The following ACAA2 variants were observed in gnomAD, a reference collection of about 807,000 sequenced individuals.
ACAA2 encodes the protein 3-ketoacyl-CoA thiolase, mitochondrial.
In ACAA2, 35 loss-of-function variants were observed where a neutral mutation model predicts 44.8. The ratio of observed to expected loss-of-function variants is 0.78; its 90% CI spans 0.60 to 1.04. The LOEUF (loss-of-function observed/expected upper bound fraction) is 1.04, where lower values mean the gene tolerates loss of function less well. Ranked by LOEUF, ACAA2 falls within the 50% of genes least tolerant of loss-of-function variation. The probability of loss-of-function intolerance (pLI) is 0.00; values close to 1 mark genes in which losing one functional copy is unlikely to be tolerated. For synonymous variants in ACAA2, 142 were observed against 166.5 expected, an observed-to-expected ratio of 0.85 and a Z score of 1.13; for missense variants, 468 against 482.6, an observed-to-expected ratio of 0.97 and a Z score of 0.28.
chr18:49,809,724 G>A (rs962329220), intron 1 of ACAA2, among the ~76,000 whole-genome samples: 4 of 152,200 alleles, frequency 2.6e-5, no homozygotes, highest in African/African-American at 9.6e-5. Context: ...TTCAGAGACA[G>A]GGATAAATAA....
At chr18:49,788,504 TGGCTACTGATTTACTAC>T (rs1275921261) in intron 7 of ACAA2, among the ~76,000 whole-genome samples, 1 of 152,074 alleles carries the variant, frequency 6.6e-6, no homozygotes, top group Non-Finnish European at 1.5e-5. Context: ...CAGTTTCATG[TGGCTACTGATTTACTAC>T]AGCTACTGAT....
intron 5 of ACAA2, among the ~76,000 whole-genome samples, chr18:49,793,558 T>G (rs1282554320): frequency 6.6e-6 from 1 of 152,236 alleles, no homozygotes; most frequent in African/African-American, 2.4e-5. Flanking sequence ...TGGCATCAGC[T>G]CTATTCCACT....
At chr18:49,806,579 C>T (rs1273294189) in intron 1 of ACAA2, among the ~76,000 whole-genome samples, 1 of 152,302 alleles carries the variant, frequency 6.6e-6, no homozygotes. Context: ...CCACAATGTT[C>T]CATCTGCAAT....
intron 7 of ACAA2, among the ~76,000 whole-genome samples, chr18:49,788,682 C>T (rs1292014003): frequency 6.6e-6 from 1 of 152,168 alleles, no homozygotes; most frequent in African/African-American, 2.4e-5. Context: ...AAAAGGTGGA[C>T]AATGTTCAGA....
intron 9 of ACAA2, 72 bp from the exon 10 acceptor site, chr18:49,784,003 C>T: frequency 8.2e-7 from 1 of 1,215,176 alleles, no homozygotes; most frequent in South Asian, 1.3e-5. Context: ...CTAATAACAT[C>T]ACATCTGCAT....
chr18:49,788,015 G>C (rs1038836096), intron 7 of ACAA2, among the ~76,000 whole-genome samples: 2 of 152,156 alleles, frequency 1.3e-5, no homozygotes, highest in Non-Finnish European at 2.9e-5. Context: ...TATGAAGTAA[G>C]GTGATGTTTA....
intron 7 of ACAA2, among the ~76,000 whole-genome samples, chr18:49,791,125 C>T (rs976393376): frequency 4.6e-5 from 7 of 152,222 alleles, no homozygotes; most frequent in African/African-American, 1.7e-4. Flanking sequence ...TTTCTCCCAT[C>T]TCATAATTTC....
chr18:49,799,215 C>T (rs1260610111), intron 2 of ACAA2, among the ~76,000 whole-genome samples: 1 of 152,042 alleles, frequency 6.6e-6, no homozygotes, highest in African/African-American at 2.4e-5. Context: ...CACAGCTCTC[C>T]CTCTCCCCCT....
At chr18:49,800,849 G>GCCT (rs5824804) in intron 2 of ACAA2, among the ~76,000 whole-genome samples, 1 of 148,160 alleles carries the variant, frequency 6.7e-6, no homozygotes, top group African/African-American at 2.5e-5. Flanking sequence ...TTGTCCTGTG[G>GCCT]GCCAAATCCC....
intron 1 of ACAA2, among the ~76,000 whole-genome samples, chr18:49,812,167 G>GA (rs2023677814): frequency 6.6e-6 from 1 of 152,200 alleles, no homozygotes; most frequent in African/African-American, 2.4e-5. Flanking sequence ...CACGTTGCAG[G>GA]AAACTGTAAA....
chr18:49,790,457 T>C (rs1371540293), intron 7 of ACAA2, among the ~76,000 whole-genome samples: 1 of 152,114 alleles, frequency 6.6e-6, no homozygotes, highest in Non-Finnish European at 1.5e-5. Context: ...CAGGTTATCC[T>C]CCTCCTCCTC....
intron 1 of ACAA2, among the ~76,000 whole-genome samples, chr18:49,808,853 C>T (rs758420488): frequency 2.6e-5 from 4 of 152,144 alleles, no homozygotes; most frequent in Non-Finnish European, 5.9e-5. Flanking sequence ...ACATCTTAAA[C>T]AACAGAAAAC....
chr18:49,809,617 C>T (rs989979146), intron 1 of ACAA2, among the ~76,000 whole-genome samples: 1 of 152,166 alleles, frequency 6.6e-6, no homozygotes, highest in Non-Finnish European at 1.5e-5. Context: ...TGAAAGAAGC[C>T]AGTCTGGAAA....
chr18:49,783,560 G>T lies in ACAA2; in HGVS notation c.*287C>A. 3.5e-6 allele frequency: 1 copy of T among 282,292 alleles called. No individual in the cohort carries two copies. Among genetic ancestry groups the T allele is most frequent in the Non-Finnish European group, 6.8e-6 (1 of 148,074 alleles). 17.5% of individuals were successfully genotyped at this position (282,292 alleles called of 1,614,324 possible). The stretch of plus-strand genomic sequence containing the variant: ...TATAATCATATTATCTAAGGCAGAA[G>T]TGGTGGTTACTTGGCAAGAATACGA... On this transcript the variant is annotated 3_prime_UTR_variant, in exon 10 of 10. Transcript: ENST00000285093.
At chr18:49,811,042 T>C (rs573975582) in intron 1 of ACAA2, among the ~76,000 whole-genome samples, 3 of 148,246 alleles carry the variant, frequency 2.0e-5, no homozygotes, top group African/African-American at 7.7e-5. Context: ...TTTACGTGGA[T>C]ACTAAAAGGT....
At chr18:49,790,288 C>T (rs1333155833) in intron 7 of ACAA2, among the ~76,000 whole-genome samples, 4 of 152,086 alleles carry the variant, frequency 2.6e-5, no homozygotes, top group Admixed American at 6.6e-5. Context: ...ATGAACATGC[C>T]AGCTTTTTTT....
In ACAA2 at chr18:49,783,748, G is replaced by C. The variant is rs947752219; in HGVS notation, c.*99C>G. On this transcript the variant is annotated 3_prime_UTR_variant, in exon 10 of 10. Transcript: ENST00000285093. ...AAACTTAATCACTGTTTCAATGGCAGGGCATGGCCAGTTGTGGCAGCTGCT... is the reference window on the plus strand; with the variant it reads ...AAACTTAATCACTGTTTCAATGGCACGGCATGGCCAGTTGTGGCAGCTGCT... 8 of 917,202 alleles carry C rather than the reference G, an allele frequency of 8.7e-6. No individual in the cohort carries two copies. Among genetic ancestry groups the C allele is most frequent in the Non-Finnish European group, 1.0e-5 (6 of 572,666 alleles). 56.8% of individuals were successfully genotyped at this position (917,202 alleles called of 1,614,324 possible). A position where few individuals can be genotyped will look rare whatever the true frequency, so the allele number is the denominator to read the frequency against.
At chr18:49,809,906 A>G (rs2023650144) in intron 1 of ACAA2, among the ~76,000 whole-genome samples, 1 of 152,240 alleles carries the variant, frequency 6.6e-6, no homozygotes, top group Non-Finnish European at 1.5e-5. Context: ...TTAGCTCATC[A>G]ATTGTAACAA....
intron 4 of ACAA2, among the ~76,000 whole-genome samples, 176 bp downstream of exon 4, chr18:49,795,589 C>T (rs926720371): frequency 1.3e-5 from 2 of 152,156 alleles, no homozygotes; most frequent in Non-Finnish European, 1.5e-5. Context: ...TCAAAACTAA[C>T]CACCAAAATA....
Sources: gnomAD v4.1 joint callset for allele counts (sites outside exome capture counted in the v4.1 genomes callset) on GRCh38, gnomAD v4.1.1 for gene constraint, MANE v1.5 for transcripts, NCBI Gene and HGNC (gene_info 2026-07-23, HGNC 2026-07-21) for gene names.